RFX1: variants seen among roughly 807,000 people sequenced by gnomAD.
RFX1 encodes MHC class II regulatory factor RFX1.
Under a neutral mutation model 119.6 loss-of-function variants are expected in RFX1, and 42 were observed. That is an observed-to-expected ratio of 0.35 (90% CI 0.27 to 0.45). The LOEUF is 0.45. Among genes scored for constraint, RFX1 ranks in the 20% least tolerant of loss-of-function variants. The pLI is 1.00. For missense variants in RFX1, 1,118 were observed against 1,368.1 expected (o/e 0.82, Z 2.88); for synonymous variants, 628 against 618.5 (o/e 1.02, Z -0.23).
chr19:14,006,566 A>AG (rs1975389212), upstream of RFX1: 1 of 152,292 alleles, frequency 6.6e-6, no homozygotes, highest in Non-Finnish European at 1.5e-5. Flanking sequence ...TTAAGAATAA[A>AG]GGGGTAGGAC....
chr19:13,996,396 C>G (rs1975020047), intron 1 of RFX1, among the ~76,000 whole-genome samples: 1 of 152,266 alleles, frequency 6.6e-6, no homozygotes, highest in South Asian at 2.1e-4. Context: ...TGCACTAACA[C>G]TCAGCACCCA....
rs1240303422 is a variant in RFX1, at chr19:13,985,902, T to A, written c.320-2307A>T. The stretch of plus-strand genomic sequence containing the variant: ...CGGGGGTTGCCAGATGTGGGAGGTG[T>A]TGGGGGAGGCCTCCGCGTAGCCGCA... On this transcript the variant is annotated intron_variant, in intron 2 of 20. Transcript: ENST00000254325. This position sits in a 1 kb window ranked among gnomAD's most constrained non-coding sequence, Gnocchi z 4.3. Among the ~76,000 whole-genome samples, 2 of 152,012 alleles carry A rather than the reference T, an allele frequency of 1.3e-5. No individual in the cohort carries two copies. Among genetic ancestry groups the A allele is most frequent in the East Asian group, 3.9e-4 (2 of 5,192 alleles).
rs1288088941 is a variant in RFX1 at position 13,967,624 on chromosome 19, C to G, written c.1733-873G>C. Among the ~76,000 whole-genome samples the G allele has an allele frequency of 4.6e-5, 7 of 151,928 alleles. No individual in the cohort carries two copies. In the South Asian group the frequency reaches 1.0e-3, roughly 23 times the overall value. On this transcript the variant is annotated intron_variant, in intron 12 of 20. Transcript: ENST00000254325. Reference sequence around the variant, plus strand: ...CCTGAGTAGCTGGGATTACAGGCACCCGCCACCACACCCGGCTAATTTTGG... The same window carrying G: ...CCTGAGTAGCTGGGATTACAGGCACGCGCCACCACACCCGGCTAATTTTGG...
Position 13,973,740 on chromosome 19 carries a change from C to T in RFX1, c.930-613G>A, listed in dbSNP as rs950429760. Among the ~76,000 whole-genome samples, 13 of 152,318 alleles carry T rather than the reference C, an allele frequency of 8.5e-5. No individual in the cohort carries two copies. The East Asian group carries it at 1.9e-3, about 23-fold the overall frequency. On this transcript the variant is annotated intron_variant, in intron 8 of 20. Coordinates refer to ENST00000254325, the MANE Select transcript of RFX1 (RefSeq NM_002918.5). ...CCGCCTCCTGGGTTCAAGCTATCCT[C>T]CTGCCTCAGCCTCCCAAGGAGCTGG...
intron 1 of RFX1, among the ~76,000 whole-genome samples, chr19:14,004,628 G>A (rs1321060643): frequency 1.3e-5 from 2 of 152,054 alleles, no homozygotes; most frequent in Non-Finnish European, 1.5e-5. Context: ...CCTCTAAAAA[G>A]GGCCAGGCCT....
chr19:13,996,585 C>T (rs752382442), intron 1 of RFX1, among the ~76,000 whole-genome samples: 2 of 152,218 alleles, frequency 1.3e-5, no homozygotes, highest in African/African-American at 2.4e-5. Context: ...ATGAGCTGAG[C>T]GAGGCTGAGG....
chr19:13,982,131 G>A lies in RFX1; in HGVS notation c.611C>T (p.Ser204Leu), dbSNP rs201210853. The A allele has an allele frequency of 8.2e-5, 108 of 1,310,406 alleles. No homozygotes were observed. The highest frequency in any genetic ancestry group is 4.5e-5 in the African/African-American group (3 of 66,354). The allele number at this position is 1,310,406 out of a possible 1,614,324, so 81.2% of individuals were successfully genotyped here. A position where few individuals can be genotyped will look rare whatever the true frequency, so the allele number is the denominator to read the frequency against. The change falls in exon 5 of 21, where the codon TCG (serine) becomes TTG (leucine). Residue 204 changes from serine (S) to leucine (L), a missense_variant. Ser to Leu is a moderately radical substitution (Grantham distance 145). This residue lies in a region of RFX1 where 542 missense variants were observed against 602.7 expected (regional missense o/e 0.90). Coordinates refer to ENST00000254325, the MANE Select transcript of RFX1 (RefSeq NM_002918.5). Reference protein sequence around the residue: ...LTVHGTQQVHSPPEQSPVQAN... With the variant: ...LTVHGTQQVHLPPEQSPVQAN... The stretch of plus-strand genomic sequence containing the variant: ...AGGACCACCACTTACCTCTGGGGGC[G>A]AGTGCACCTGCTGGGTACCATGGAC...
intron 1 of RFX1, among the ~76,000 whole-genome samples, chr19:13,994,547 C>T (rs1050554536): frequency 6.6e-6 from 1 of 151,888 alleles, no homozygotes; most frequent in Non-Finnish European, 1.5e-5. Context: ...GAAACCCCGT[C>T]TCTACTAAAA....
intron 9 of RFX1, 92 bp downstream of exon 9, chr19:13,972,651 C>T (rs1209000350): frequency 3.0e-5 from 28 of 934,700 alleles, no homozygotes; most frequent in South Asian, 1.7e-4. Flanking sequence ...CTCCTGCTAG[C>T]GGTGGTTGGT....
At chr19:14,001,487 G>T (rs1975213652) in intron 1 of RFX1, among the ~76,000 whole-genome samples, 1 of 152,186 alleles carries the variant, frequency 6.6e-6, no homozygotes, top group Non-Finnish European at 1.5e-5. Context: ...CTTTTTAAGA[G>T]ATGGGGTCTC....
rs1974005878 is a variant in RFX1 at position 13,969,470 on chromosome 19, T to G, written c.1496+524A>C. Among the ~76,000 whole-genome samples, 1 of 152,000 alleles carries G rather than the reference T, an allele frequency of 6.6e-6. No individual in the cohort carries two copies. Among genetic ancestry groups the G allele is most frequent in the African/African-American group, 2.4e-5 (1 of 41,350 alleles). On this transcript the variant is annotated intron_variant, in intron 10 of 20. Transcript: ENST00000254325. The surrounding 1 kb of genome is among the most constrained non-coding windows in gnomAD (Gnocchi z 4.5). The stretch of plus-strand genomic sequence containing the variant: ...GAGTTCAAGACCAGCCTGGCCAACA[T>G]AGCAAAGCCCTGTCTCTACTAAAAT...
chr19:13,992,556 G>A lies in RFX1; in HGVS notation c.319+969C>T, dbSNP rs143394052. 6.1e-3 allele frequency among the ~76,000 whole-genome samples: 931 copies of A among 152,284 alleles called. 5 individuals carry two copies. Among genetic ancestry groups the A allele is most frequent in the Non-Finnish European group, 9.5e-3 (644 of 68,018 alleles). ...TGGATCCTGCCCAAAACAACAGGGC[G>A]GCTGCTCTAGGAAGGGGAGGTGACA... On this transcript the variant is annotated intron_variant, in intron 2 of 20. Coordinates refer to ENST00000254325, the MANE Select transcript of RFX1 (RefSeq NM_002918.5).
intron 2 of RFX1, among the ~76,000 whole-genome samples, chr19:13,992,592 C>G (rs1974842479): frequency 6.6e-6 from 1 of 152,216 alleles, no homozygotes; most frequent in Admixed American, 6.5e-5. Context: ...TGTCCAGGCC[C>G]TCACCCCCAG....
At chr19:13,983,342 C>T (rs762805885) in intron 3 of RFX1, 72 bp from the exon 4 acceptor site, 13 of 1,353,324 alleles carry the variant, frequency 9.6e-6, no homozygotes, top group South Asian at 2.7e-5. Flanking sequence ...GGGTGGCGGG[C>T]GGCTGCTGTG....
intron 2 of RFX1, 145 bp downstream of exon 2, chr19:13,993,380 G>T (rs1974869940): frequency 2.9e-6 from 2 of 696,526 alleles, no homozygotes; most frequent in Non-Finnish European, 4.6e-6. Flanking sequence ...TCCTTGCATG[G>T]CTTAAGCACC....
At chr19:13,973,309 G>A (rs1974150880) in intron 8 of RFX1, among the ~76,000 whole-genome samples, 182 bp from the exon 9 acceptor site, 1 of 152,074 alleles carries the variant, frequency 6.6e-6, no homozygotes, top group Non-Finnish European at 1.5e-5. Context: ...TGCTTGATGG[G>A]CAGTATTTCA....
chr19:13,994,401 C>T (rs923546730), intron 1 of RFX1, among the ~76,000 whole-genome samples: 5 of 152,116 alleles, frequency 3.3e-5, no homozygotes, highest in African/African-American at 1.2e-4. Flanking sequence ...GGCACTTTCC[C>T]TATGTTAGTT....
In RFX1 at chr19:13,973,096, G is replaced by A. The variant is rs892403741; in HGVS notation, c.961C>T (p.Pro321Ser). Reference sequence around the variant, plus strand: ...GTGCTTGCCGTCTGCGTGTACAGCGGCGTCTCGGGATAGGAGTAGGTGCTG... The same window carrying A: ...GTGCTTGCCGTCTGCGTGTACAGCGACGTCTCGGGATAGGAGTAGGTGCTG... ...RSSTYSYPETPLYTQTASTSY... is the reference protein window; with the variant it reads ...RSSTYSYPETSLYTQTASTSY... The change falls in exon 9 of 21, where the codon CCG becomes TCG. Residue 321 changes from proline (P) to serine (S), a missense_variant. Pro to Ser is a moderately conservative substitution (Grantham distance 74). Coordinates refer to ENST00000254325, the MANE Select transcript of RFX1 (RefSeq NM_002918.5). 3.1e-6 allele frequency: 5 copies of A among 1,600,458 alleles called. No individual in the cohort carries two copies. Among genetic ancestry groups the A allele is most frequent in the Non-Finnish European group, 3.4e-6 (4 of 1,179,854 alleles).
Position 13,966,486 on chromosome 19 carries a change from C to T in RFX1, c.1896G>A (p.Glu632=). ...ACCTCCAGAAGGTCTTCCACAGCGT[C>T]TCCACCAGGGTGAACTGCAGGTTCA... ...VMVNLQFTLV[E]TLWKTFWRYN... Residue 632 remains glutamate (E), a synonymous_variant, in exon 14 of 21, where the codon GAG becomes GAA. Transcript: ENST00000254325. This position sits in a 1 kb window ranked among gnomAD's most constrained non-coding sequence, Gnocchi z 6.3. The T allele has an allele frequency of 6.2e-7, 1 of 1,601,280 alleles. No individual in the cohort carries two copies. The highest frequency in any genetic ancestry group is 8.5e-7 in the Non-Finnish European group (1 of 1,173,830).
Sources: gnomAD v4.1 joint callset for allele counts (sites outside exome capture counted in the v4.1 genomes callset) on GRCh38, gnomAD v4.1.1 for gene constraint, gnomAD v4.1.1 regional missense constraint, Gnocchi (gnomAD v3.1) non-coding constraint, MANE v1.5 for transcripts, NCBI Gene and HGNC (gene_info 2026-07-23, HGNC 2026-07-21) for gene names.